CSNK1G2: variants seen among roughly 807,000 people sequenced by gnomAD.
CSNK1G2 encodes casein kinase 1 gamma 2.
In CSNK1G2, 11 loss-of-function variants were observed where a neutral mutation model predicts 48.0. That is an observed-to-expected ratio of 0.23 (90% CI 0.14 to 0.38). CSNK1G2 has a LOEUF of 0.38. CSNK1G2 is among the 10% of genes least tolerant of loss of function. The probability of loss-of-function intolerance (pLI) is 1.00; values close to 1 mark genes in which losing one functional copy is unlikely to be tolerated. For missense variants in CSNK1G2, 446 were observed against 595.5 expected (o/e 0.75, Z 2.61); for synonymous variants, 337 against 254.1 (o/e 1.33, Z -3.10).
At chr19:1,972,016 A>T (rs910598692) in intron 2 of CSNK1G2, among the ~76,000 whole-genome samples, 1 of 152,102 alleles carries the variant, frequency 6.6e-6, no homozygotes, top group East Asian at 1.9e-4. Context: ...TGATCCACCC[A>T]CCTCGGCCTC....
intron 6 of CSNK1G2, 27 bp from the exon 7 acceptor site, chr19:1,979,136 G>C: frequency 6.5e-7 from 1 of 1,547,218 alleles, no homozygotes; most frequent in Non-Finnish European, 8.7e-7. Context: ...CCCGGACCCC[G>C]CTGAGGCTGC....
At chr19:1,968,916 G>A (rs2015470027) in intron 1 of CSNK1G2, 1 of 152,660 alleles carries the variant, frequency 6.6e-6, no homozygotes, top group African/African-American at 2.4e-5. Flanking sequence ...GTCAGGCCCT[G>A]GGGGCTCCTG....
chr19:1,948,131 C>A (rs185386947), intron 1 of CSNK1G2, among the ~76,000 whole-genome samples: 4 of 152,162 alleles, frequency 2.6e-5, no homozygotes, highest in East Asian at 1.9e-4. Context: ...GATCCTGCAC[C>A]GGAGGGAGCC....
intron 1 of CSNK1G2, among the ~76,000 whole-genome samples, chr19:1,968,569 C>G (rs1020489685): frequency 5.9e-5 from 9 of 152,220 alleles, no homozygotes; most frequent in African/African-American, 2.2e-4. Context: ...CTCTGGGGCC[C>G]TCAGCTCTGG....
intron 1 of CSNK1G2, among the ~76,000 whole-genome samples, chr19:1,955,303 T>TGC (rs1048276174): frequency 3.9e-5 from 6 of 151,980 alleles, no homozygotes; most frequent in African/African-American, 1.2e-4. Context: ...GCCCTCCTGC[T>TGC]GCTGCTGCTG....
Position 1,969,700 on chromosome 19 carries a change from C to T in CSNK1G2, c.-73C>T, listed in dbSNP as rs2015499010. On this transcript the variant is annotated 5_prime_UTR_variant, in exon 2 of 12. Coordinates refer to ENST00000255641, the MANE Select transcript of CSNK1G2 (RefSeq NM_001319.7). ...TGTTCTAGCCACAGAGGAGCCAAGA[C>T]CTCAGGTTTCCAGAGACTTGGGATT... is the stretch of plus-strand genomic sequence containing the variant. The T allele has an allele frequency of 8.3e-7, 1 of 1,198,078 alleles. No individual in the cohort carries two copies. The highest frequency in any genetic ancestry group is 4.3e-5 in the South Asian group (1 of 22,992). The allele number at this position is 1,198,078 out of a possible 1,614,324, so 74.2% of individuals were successfully genotyped here. A position where few individuals can be genotyped will look rare whatever the true frequency, so the allele number is the denominator to read the frequency against.
intron 1 of CSNK1G2, among the ~76,000 whole-genome samples, chr19:1,946,265 C>CATTTATTCATTTATTTATTT (rs534248791): frequency 4.4e-5 from 5 of 114,406 alleles, no homozygotes; most frequent in African/African-American, 1.5e-4. Flanking sequence ...ACTATTTATT[C>CATTTATTCATTTATTTATTT]GTTTATTTAT....
intron 2 of CSNK1G2, among the ~76,000 whole-genome samples, chr19:1,971,487 A>G (rs1481102199): frequency 6.6e-6 from 1 of 152,260 alleles, no homozygotes; most frequent in Non-Finnish European, 1.5e-5. Flanking sequence ...GCTCAGACAC[A>G]CGTGCAGACA....
At chr19:1,970,928 G>A (rs2015547838) in intron 2 of CSNK1G2, among the ~76,000 whole-genome samples, 1 of 152,216 alleles carries the variant, frequency 6.6e-6, no homozygotes, top group Non-Finnish European at 1.5e-5. Context: ...AGCCCGATGA[G>A]GTTGTCAGAT....
rs779637277 is a variant in CSNK1G2 at position 1,979,604 on chromosome 19, C to T, written c.963C>T (p.Phe321=). 9.5e-5 allele frequency: 152 copies of T among 1,606,530 alleles called. No homozygotes were observed. Among genetic ancestry groups the T allele is most frequent in the Non-Finnish European group, 1.2e-4 (146 of 1,179,912 alleles). ...LFTDLFDRSG[F]VFDYEYDWAG... ...CCGACCTCTTCGACCGCAGTGGCTTCGTGTTCGACTATGAGTACGACTGGG... is the reference window on the plus strand; with the variant it reads ...CCGACCTCTTCGACCGCAGTGGCTTTGTGTTCGACTATGAGTACGACTGGG... The change falls in exon 9 of 12, where the codon TTC becomes TTT. Residue 321 remains phenylalanine, a synonymous_variant. Transcript: ENST00000255641.
In CSNK1G2 at chr19:1,978,459, G is replaced by A. The variant is rs773813714; in HGVS notation, c.246G>A (p.Arg82=). The A allele has an allele frequency of 6.2e-7, 1 of 1,607,964 alleles. No homozygotes were observed. The highest frequency in any genetic ancestry group is 8.5e-7 in the Non-Finnish European group (1 of 1,177,852). ...VAIKLEPIKS[R]APQLHLEYRF... The stretch of plus-strand genomic sequence containing the variant: ...GCCCCCAGGAGCCGATCAAGTCCCG[G>A]GCCCCGCAGCTGCACCTGGAGTACC... The change falls in exon 4 of 12, where the codon CGG becomes CGA. Residue 82 remains arginine, a synonymous_variant. Transcript: ENST00000255641. The surrounding 1 kb of genome is among the most constrained non-coding windows in gnomAD (Gnocchi z 7.3).
chr19:1,953,656 T>A, intron 1 of CSNK1G2: 1 of 399,248 alleles, frequency 2.5e-6, no homozygotes, highest in Non-Finnish European at 5.1e-6. Context: ...TCACCTGTGG[T>A]CTGTGCCATC....
At chr19:1,973,200 T>G (rs1045479931) in intron 2 of CSNK1G2, among the ~76,000 whole-genome samples, 4 of 151,766 alleles carry the variant, frequency 2.6e-5, no homozygotes, top group Non-Finnish European at 5.9e-5. Context: ...GTGCTGGGAT[T>G]ACAGGCGTGA....
At chr19:1,971,588 C>T (rs1179774984) in intron 2 of CSNK1G2, among the ~76,000 whole-genome samples, 1 of 152,222 alleles carries the variant, frequency 6.6e-6, no homozygotes, top group Admixed American at 6.5e-5. Flanking sequence ...CACGCATACA[C>T]AGGCACACAG....
chr19:1,965,470 C>T (rs926514148), intron 1 of CSNK1G2, among the ~76,000 whole-genome samples: 13 of 152,156 alleles, frequency 8.5e-5, no homozygotes, highest in South Asian at 2.1e-4. Context: ...ATGAATGACT[C>T]GGAAATCAAG....
intron 1 of CSNK1G2, among the ~76,000 whole-genome samples, chr19:1,963,164 TG>T (rs2015256034): frequency 6.6e-6 from 1 of 151,972 alleles, no homozygotes; most frequent in African/African-American, 2.4e-5. Context: ...GGGAGTAACG[TG>T]GTGGTTTATT....
intron 1 of CSNK1G2, chr19:1,953,064 C>T (rs558179673): frequency 2.9e-4 from 114 of 398,004 alleles, no homozygotes; most frequent in African/African-American, 2.3e-3. Context: ...AGGTTTTCCA[C>T]GGCCGTTCAT....
rs1414877657 is a variant in CSNK1G2, at chr19:1,979,816, A to G, written c.1067A>G (p.Gln356Arg). ...CAGCCTCAGCTCCGGGACAAAACCC[A>G]GCCGCACAGCAAAAACCAGGTGAGG... is the stretch of plus-strand genomic sequence containing the variant. Reference protein sequence around the residue: ...PSQPQLRDKTQPHSKNQALNS... With the variant: ...PSQPQLRDKTRPHSKNQALNS... The change falls in exon 10 of 12, where the codon CAG (glutamine) becomes CGG (arginine). Residue 356 changes from glutamine (Q) to arginine (R), a missense_variant. Transcript: ENST00000255641. 6.2e-7 allele frequency: 1 copy of G among 1,607,044 alleles called. No homozygotes were observed. Among genetic ancestry groups the G allele is most frequent in the East Asian group, 2.2e-5 (1 of 44,622 alleles).
At chr19:1,953,992 C>T (rs1484562786) in intron 1 of CSNK1G2, 2 of 533,862 alleles carry the variant, frequency 3.7e-6, no homozygotes, top group Non-Finnish European at 7.7e-6. Flanking sequence ...GACAGTCGCC[C>T]TTGGTCTGGT....
Sources: gnomAD v4.1 joint callset for allele counts (sites outside exome capture counted in the v4.1 genomes callset) on GRCh38, gnomAD v4.1.1 for gene constraint, Gnocchi (gnomAD v3.1) non-coding constraint, MANE v1.5 for transcripts, NCBI Gene and HGNC (gene_info 2026-07-23, HGNC 2026-07-21) for gene names.